The following MCF2L2 variants were observed in gnomAD, a reference collection of about 807,000 sequenced individuals.
MCF2L2 encodes the protein MCF.2 cell line derived transforming sequence-like 2.
A neutral mutation model predicts 150.2 loss-of-function variants in MCF2L2; 102 were observed. That is an observed-to-expected ratio of 0.68 (90% CI 0.58 to 0.80). The LOEUF (loss-of-function observed/expected upper bound fraction) is 0.80, where lower values mean the gene tolerates loss of function less well. Ranked by LOEUF, MCF2L2 falls within the 30% of genes least tolerant of loss-of-function variation. MCF2L2 has a pLI of 0.00. For missense variants in MCF2L2, 1,256 were observed against 1,372.8 expected, an observed-to-expected ratio of 0.91 and a Z score of 1.34; for synonymous variants, 465 against 491.3, an observed-to-expected ratio of 0.95 and a Z score of 0.71.
At chr3:183,310,425 C>T in intron 9 of MCF2L2, 1 of 184,622 alleles carries the variant, frequency 5.4e-6, no homozygotes, top group Admixed American at 5.9e-5. Flanking sequence ...TCGCTTGAAC[C>T]TGGGAGGCGG....
At chr3:183,339,408 AT>A (rs1218221179) in intron 4 of MCF2L2, among the ~76,000 whole-genome samples, 25 of 152,164 alleles carry the variant, frequency 1.6e-4, no homozygotes, top group African/African-American at 5.8e-4. Flanking sequence ...TGGAAATATT[AT>A]TTTTTACGGG....
At chr3:183,257,958 C>CAT (rs779026571) in intron 15 of MCF2L2, among the ~76,000 whole-genome samples, 22 of 64,726 alleles carry the variant, frequency 3.4e-4, no homozygotes, top group East Asian at 6.0e-4. Context: ...CCACTTCACC[C>CAT]TTTTTTTTTT....
intron 20 of MCF2L2, among the ~76,000 whole-genome samples, chr3:183,221,883 T>A (rs1035318316): frequency 2.0e-5 from 3 of 152,086 alleles, no homozygotes; most frequent in Admixed American, 2.0e-4. Flanking sequence ...TTCATAACGA[T>A]CTTATGGAGG....
In MCF2L2 at chr3:183,300,214, A is replaced by T. The variant is rs778985789; in HGVS notation, c.1114-18T>A. On this transcript the variant is annotated intron_variant, in intron 10 of 29. Transcript: ENST00000328913. ...AGGGGCTCCTGCAAAGTGAACACCCACAGCCAGGCGTCAGAAGTCAGAGCA... is the reference window on the plus strand; with the variant it reads ...AGGGGCTCCTGCAAAGTGAACACCCTCAGCCAGGCGTCAGAAGTCAGAGCA... The T allele has an allele frequency of 6.3e-7, 1 of 1,586,066 alleles. No homozygotes were observed. The highest frequency in any genetic ancestry group is 8.5e-7 in the Non-Finnish European group (1 of 1,170,022).
intron 25 of MCF2L2, among the ~76,000 whole-genome samples, chr3:183,202,385 G>A (rs942721381): frequency 1.3e-4 from 20 of 152,196 alleles, no homozygotes; most frequent in African/African-American, 3.9e-4. Context: ...ATAGAGGGTT[G>A]TAAAGGCTCC....
chr3:183,291,627 T>C (rs1728153271), intron 13 of MCF2L2, among the ~76,000 whole-genome samples: 1 of 152,226 alleles, frequency 6.6e-6, no homozygotes, highest in Middle Eastern at 3.2e-3. Flanking sequence ...CAATTGCTTA[T>C]CTTGGCACAG....
chr3:183,264,144 C>T (rs1258040932), intron 15 of MCF2L2, among the ~76,000 whole-genome samples: 1 of 152,158 alleles, frequency 6.6e-6, no homozygotes, highest in African/African-American at 2.4e-5. Context: ...TTTCTGTACC[C>T]CCCTAAGACT....
chr3:183,239,717 A>G (rs1445841734), intron 15 of MCF2L2, among the ~76,000 whole-genome samples: 4 of 152,258 alleles, frequency 2.6e-5, no homozygotes, highest in Middle Eastern at 6.8e-3. Context: ...TCATCACATT[A>G]TGCATGTCAG....
intron 25 of MCF2L2, among the ~76,000 whole-genome samples, chr3:183,203,323 A>AT (rs1357952013): frequency 2.0e-5 from 3 of 152,230 alleles, no homozygotes; most frequent in African/African-American, 7.2e-5. Context: ...GTTAAAGGAA[A>AT]TCATATATAA....
At chr3:183,388,405 C>T (rs1285319904) in intron 2 of MCF2L2, among the ~76,000 whole-genome samples, 1 of 152,138 alleles carries the variant, frequency 6.6e-6, no homozygotes, top group Non-Finnish European at 1.5e-5. Context: ...TTTTGTCTTG[C>T]GCAAGCCCAG....
intron 3 of MCF2L2, among the ~76,000 whole-genome samples, chr3:183,370,550 G>A (rs926755070): frequency 5.3e-5 from 8 of 152,200 alleles, no homozygotes; most frequent in Non-Finnish European, 8.8e-5. Context: ...ATGGAACGTG[G>A]GTTTCTATCT....
At chr3:183,275,093 A>G (rs764059004) in intron 15 of MCF2L2, among the ~76,000 whole-genome samples, 6 of 152,080 alleles carry the variant, frequency 3.9e-5, no homozygotes, top group Non-Finnish European at 5.9e-5. Flanking sequence ...TGGAAATCCA[A>G]TTCTACCTCC....
chr3:183,217,221 G>A (rs533395576), intron 21 of MCF2L2, among the ~76,000 whole-genome samples: 146 of 149,332 alleles, frequency 9.8e-4, no homozygotes, highest in Middle Eastern at 6.9e-3. Context: ...TTGAACCCAG[G>A]AGGCGGAGGT....
intron 15 of MCF2L2, among the ~76,000 whole-genome samples, chr3:183,260,316 G>A (rs1478971464): frequency 6.6e-6 from 1 of 152,118 alleles, no homozygotes; most frequent in Admixed American, 6.6e-5. Context: ...GGTAGTAACT[G>A]TTGCTAGACT....
In MCF2L2 at chr3:183,300,800, TG is replaced by T. The variant is rs1330160937; in HGVS notation, c.1114-605del. On this transcript the variant is annotated intron_variant, in intron 10 of 29. Coordinates refer to ENST00000328913, the MANE Select transcript of MCF2L2 (RefSeq NM_015078.4). ...GGGAGGCCGAGGTGGGCGGATCACC[TG>T]AGGTCAGGAGTTCAAGACGCGCCTG... Among the ~76,000 whole-genome samples the T allele has an allele frequency of 2.6e-5, 4 of 152,150 alleles. No homozygotes were observed. In the East Asian group the frequency reaches 7.7e-4, roughly 29 times the overall value.
Position 183,270,180 on chromosome 3 carries a change from C to G in MCF2L2, c.1862+6692G>C. On this transcript the variant is annotated intron_variant, in intron 15 of 29. Transcript: ENST00000328913. The surrounding 1 kb of genome is among the most constrained non-coding windows in gnomAD (Gnocchi z 4.5). ...TCAGCTGAATGCCAACATCAAAACT[C>G]TGTTTGCCTTAGGAACTCCTAATCC... is the stretch of plus-strand genomic sequence containing the variant. 6.2e-7 allele frequency: 1 copy of G among 1,614,166 alleles called. No homozygotes were observed. Among genetic ancestry groups the G allele is most frequent in the Non-Finnish European group, 8.5e-7 (1 of 1,180,036 alleles).
chr3:183,217,115 G>A (rs1012729202), intron 21 of MCF2L2, among the ~76,000 whole-genome samples: 2 of 151,140 alleles, frequency 1.3e-5, no homozygotes, highest in African/African-American at 2.4e-5. Flanking sequence ...CTAACATGGT[G>A]AAACCCCGTC....
At chr3:183,344,860 C>T (rs763392063) in intron 3 of MCF2L2, among the ~76,000 whole-genome samples, 17 of 152,100 alleles carry the variant, frequency 1.1e-4, no homozygotes, top group Non-Finnish European at 2.1e-4. Context: ...GGGATCAATG[C>T]AACAAGAAAA....
intron 1 of MCF2L2, among the ~76,000 whole-genome samples, chr3:183,420,212 T>A (rs1019284207): frequency 8.5e-5 from 13 of 152,226 alleles, no homozygotes; most frequent in African/African-American, 2.7e-4. Flanking sequence ...TGTTACCCAG[T>A]TCCAATGTCA....
Sources: gnomAD v4.1 joint callset for allele counts (sites outside exome capture counted in the v4.1 genomes callset) on GRCh38, gnomAD v4.1.1 for gene constraint, Gnocchi (gnomAD v3.1) non-coding constraint, MANE v1.5 for transcripts, NCBI Gene and HGNC (gene_info 2026-07-23, HGNC 2026-07-21) for gene names.